Variants in ELAPOR2 observed in about 807,000 individuals in gnomAD.
ELAPOR2 encodes endosome-lysosome associated apoptosis and autophagy regulator family member 2, also known as endosome/lysosome-associated apoptosis and autophagy regulator family member 2.
ELAPOR2 carries 89 observed loss-of-function variants against 120.7 expected under a neutral mutation model. That is an observed-to-expected ratio of 0.74 (90% CI 0.62 to 0.88). ELAPOR2 has a LOEUF of 0.88. Ranked by LOEUF, ELAPOR2 falls within the 40% of genes least tolerant of loss-of-function variation. The pLI is 0.00. For synonymous variants in ELAPOR2, 444 were observed against 444.9 expected, an observed-to-expected ratio of 1.00 and a Z score of 0.03; for missense variants, 1,134 against 1,251.6, an observed-to-expected ratio of 0.91 and a Z score of 1.42.
At chr7:86,989,975 C>G (rs1792887335) in intron 1 of ELAPOR2, among the ~76,000 whole-genome samples, 1 of 152,124 alleles carries the variant, frequency 6.6e-6, no homozygotes, top group East Asian at 1.9e-4. Context: ...ATTTAATCCC[C>G]ACTGTGACAG....
chr7:86,893,110 A>G lies in ELAPOR2; in HGVS notation c.2686-10T>C. ...ACACATACAAGGTTTCCTTTAAAAA[A>G]AAAAACATAAAACCATAGAAGACAT... is the stretch of plus-strand genomic sequence containing the variant. On this transcript the variant is annotated splice_polypyrimidine_tract_variant and intron_variant, in intron 19 of 21. Transcript: ENST00000450689. 6.5e-7 allele frequency: 1 copy of G among 1,531,008 alleles called. No individual in the cohort carries two copies. Among genetic ancestry groups the G allele is most frequent in the Non-Finnish European group, 8.7e-7 (1 of 1,149,068 alleles). 94.8% of individuals were successfully genotyped at this position (1,531,008 alleles called of 1,614,324 possible).
At chr7:86,926,651 A>C (rs1248555640) in intron 9 of ELAPOR2, 85 bp downstream of exon 9, 1 of 1,332,802 alleles carries the variant, frequency 7.5e-7, no homozygotes, top group African/African-American at 1.5e-5. Context: ...ACCACTTTCC[A>C]TAAAAACAAT....
At chr7:87,016,272 A>G (rs567163715) in intron 1 of ELAPOR2, among the ~76,000 whole-genome samples, 1 of 152,318 alleles carries the variant, frequency 6.6e-6, no homozygotes, top group South Asian at 2.1e-4. Flanking sequence ...GATAAAATAT[A>G]AAGCTCTAGG....
intron 15 of ELAPOR2, 49 bp downstream of exon 15, chr7:86,912,023 G>T: frequency 1.3e-6 from 2 of 1,530,048 alleles, no homozygotes; most frequent in South Asian, 2.3e-5. Context: ...ATATCAACTT[G>T]ATCGGAGCTG....
In ELAPOR2 at chr7:86,913,208, A is replaced by T; in HGVS notation, c.1732-4T>A. 6.2e-7 allele frequency: 1 copy of T among 1,611,716 alleles called. No homozygotes were observed. Among genetic ancestry groups the T allele is most frequent in the Admixed American group, 1.7e-5 (1 of 59,962 alleles). On this transcript the variant is annotated splice_region_variant and splice_polypyrimidine_tract_variant and intron_variant, in intron 13 of 21. Transcript: ENST00000450689. ...TGTCATTGATGAACCGTCTATTCTA[A>T]AAAAAAGAGCATAAAGTAATGACTT...
rs181031280 is a variant in ELAPOR2, at chr7:87,015,483, A to G, written c.189+43842T>C. On this transcript the variant is annotated intron_variant, in intron 1 of 21. Coordinates refer to ENST00000450689, the MANE Select transcript of ELAPOR2 (RefSeq NM_001142749.3). The stretch of plus-strand genomic sequence containing the variant: ...TTTTACTAAAAGGCTTTCTGTTTTA[A>G]GTCCTTCAAAGATGAAAAATCTGGC... 1.8e-3 allele frequency among the ~76,000 whole-genome samples: 270 copies of G among 152,274 alleles called. 1 individual carries two copies. The highest frequency in any genetic ancestry group is 3.2e-3 in the Non-Finnish European group (216 of 68,002).
intron 21 of ELAPOR2, among the ~76,000 whole-genome samples, chr7:86,881,654 C>T (rs1799411233): frequency 6.6e-6 from 1 of 152,096 alleles, no homozygotes; most frequent in South Asian, 2.1e-4. Flanking sequence ...CTGCGCCCGA[C>T]CACCTAATTT....
intron 1 of ELAPOR2, among the ~76,000 whole-genome samples, chr7:87,015,146 G>A (rs1793826556): frequency 6.6e-6 from 1 of 152,030 alleles, no homozygotes; most frequent in African/African-American, 2.4e-5. Context: ...ATATTACAAA[G>A]TCTGTCTTTA....
intron 1 of ELAPOR2, among the ~76,000 whole-genome samples, chr7:87,018,119 C>T (rs947300610): frequency 2.0e-5 from 3 of 152,058 alleles, no homozygotes; most frequent in Admixed American, 1.3e-4. Context: ...CAGCTCACTG[C>T]AACCTCTGCC....
At position 86,907,892 on chromosome 7, in the gene ELAPOR2, T is replaced by TCC. The variant is rs1352842225; in HGVS notation, c.2457-122_2457-121insGG. On this transcript the variant is annotated intron_variant, in intron 17 of 21. Transcript: ENST00000450689. ...ATGAAAAAGAAAAATGTATTAAAGTTCACTAATTTGTAATTTTAATACAAA... is the reference window on the plus strand; with the variant it reads ...ATGAAAAAGAAAAATGTATTAAAGTTCCCACTAATTTGTAATTTTAATACAAA... The TCC allele has an allele frequency of 1.6e-5, 8 of 490,216 alleles. No individual in the cohort carries two copies. In the Admixed American group the frequency reaches 3.4e-4, roughly 21 times the overall value. 30.4% of individuals were successfully genotyped at this position (490,216 alleles called of 1,614,324 possible). A position where few individuals can be genotyped will look rare whatever the true frequency, so the allele number is the denominator to read the frequency against.
At chr7:86,950,296 C>T (rs1038069556) in intron 2 of ELAPOR2, among the ~76,000 whole-genome samples, 1 of 152,208 alleles carries the variant, frequency 6.6e-6, no homozygotes, top group African/African-American at 2.4e-5. Flanking sequence ...AACTCAGGAA[C>T]CACCAAATGG....
At position 86,926,799 on chromosome 7, in the gene ELAPOR2, A is replaced by C. The variant is rs1790087614; in HGVS notation, c.1207T>G (p.Tyr403Asp). ...KDCPPCNPGFYNNGSSSCHPC... is the reference protein window; with the variant it reads ...KDCPPCNPGFDNNGSSSCHPC... ...TGGCAAGAAGATGATCCATTGTTAT[A>C]AAATCCAGGGTTGCAAGGCGGACAA... is the stretch of plus-strand genomic sequence containing the variant. The change falls in exon 9 of 22, where the codon TAT (tyrosine) becomes GAT (aspartate). Residue 403 changes from tyrosine (Y) to aspartate (D), a missense_variant. By Grantham distance (160) the Tyr-to-Asp change is radical. Coordinates refer to ENST00000450689, the MANE Select transcript of ELAPOR2 (RefSeq NM_001142749.3). 11 of 1,612,274 alleles carry C rather than the reference A, an allele frequency of 6.8e-6. No homozygotes were observed. Among genetic ancestry groups the C allele is most frequent in the Non-Finnish European group, 9.3e-6 (11 of 1,178,974 alleles).
chr7:86,898,559 CA>C lies in ELAPOR2; in HGVS notation c.2559-928del, dbSNP rs11418158. Among the ~76,000 whole-genome samples the C allele has an allele frequency of 3.1e-3, 208 of 66,594 alleles. 2 individuals are homozygous for C. The highest frequency in any genetic ancestry group is 9.1e-3 in the Admixed American group (50 of 5,514). 43.7% of individuals were successfully genotyped at this position (66,594 alleles called of 152,430 possible). A position where few individuals can be genotyped will look rare whatever the true frequency, so the allele number is the denominator to read the frequency against. On this transcript the variant is annotated intron_variant, in intron 18 of 21. Coordinates refer to ENST00000450689, the MANE Select transcript of ELAPOR2 (RefSeq NM_001142749.3). ...TAATTTAAGAGAGAGACACAATGACCAAAAAAAAAAAAAAAAAAAAAGGCTC... is the reference window on the plus strand; with the variant it reads ...TAATTTAAGAGAGAGACACAATGACCAAAAAAAAAAAAAAAAAAAAGGCTC...
intron 18 of ELAPOR2, among the ~76,000 whole-genome samples, chr7:86,899,798 A>C (rs1414704349): frequency 1.3e-5 from 2 of 152,102 alleles, no homozygotes; most frequent in Non-Finnish European, 2.9e-5. Context: ...GAACAATGAC[A>C]AATAGTGACT....
At chr7:86,938,650 T>C (rs1476639753) in intron 7 of ELAPOR2, among the ~76,000 whole-genome samples, 158 bp downstream of exon 7, 1 of 152,082 alleles carries the variant, frequency 6.6e-6, no homozygotes, top group Non-Finnish European at 1.5e-5. Context: ...CAGAAACGGA[T>C]AAGATGTCAT....
Position 87,006,966 on chromosome 7 carries a change from T to G in ELAPOR2, c.190-41942A>C, listed in dbSNP as rs561511744. Among the ~76,000 whole-genome samples, 3 of 152,306 alleles carry G rather than the reference T, an allele frequency of 2.0e-5. No individual in the cohort carries two copies. In the South Asian group the frequency reaches 6.2e-4, roughly 32 times the overall value. Reference sequence around the variant, plus strand: ...GAAGCCAGACACACACACAAAAGTATGTACTGTATAATTCCATTTATATAA... The same window carrying G: ...GAAGCCAGACACACACACAAAAGTAGGTACTGTATAATTCCATTTATATAA... On this transcript the variant is annotated intron_variant, in intron 1 of 21. Transcript: ENST00000450689.
chr7:87,013,847 A>G (rs1422505634), intron 1 of ELAPOR2, among the ~76,000 whole-genome samples: 1 of 152,180 alleles, frequency 6.6e-6, no homozygotes, highest in African/African-American at 2.4e-5. Flanking sequence ...TATCACCACA[A>G]AATCAATACT....
At chr7:87,021,973 C>T (rs17161223) in intron 1 of ELAPOR2, among the ~76,000 whole-genome samples, 1 of 152,008 alleles carries the variant, frequency 6.6e-6, no homozygotes, top group Non-Finnish European at 1.5e-5. Flanking sequence ...GAATAATTGT[C>T]TTATAAAACA....
At chr7:86,955,377 T>C (rs1246885539) in intron 2 of ELAPOR2, among the ~76,000 whole-genome samples, 1 of 150,586 alleles carries the variant, frequency 6.6e-6, no homozygotes, top group African/African-American at 2.5e-5. Flanking sequence ...TCTTGTTCTC[T>C]CTAATTGGGA....
Sources: gnomAD v4.1 joint callset for allele counts (sites outside exome capture counted in the v4.1 genomes callset) on GRCh38, gnomAD v4.1.1 for gene constraint, MANE v1.5 for transcripts, NCBI Gene and HGNC (gene_info 2026-07-23, HGNC 2026-07-21) for gene names.